PCYT1B: variants seen among roughly 807,000 people sequenced by gnomAD.
PCYT1B encodes the protein phosphate cytidylyltransferase 1B, choline.
Under a neutral mutation model 26.4 loss-of-function variants are expected in PCYT1B, and 10 were observed. That is an observed-to-expected ratio of 0.38 (90% CI 0.23 to 0.64). PCYT1B has a LOEUF of 0.64. PCYT1B is among the 30% of genes least tolerant of loss of function. PCYT1B has a pLI of 0.56. For missense variants in PCYT1B, 161 were observed against 292.7 expected (o/e 0.55, Z 3.28); for synonymous variants, 131 against 108.4 (o/e 1.21, Z -1.29).
At chrX:24,619,265 T>A in intron 1 of PCYT1B, 181 bp from the exon 2 acceptor site, 1 of 424,184 alleles carries the variant, frequency 2.4e-6, no homozygotes, top group Non-Finnish European at 4.2e-6. Flanking sequence ...CTGAAACCTT[T>A]TGGTTTGTTT....
chrX:24,633,267 A>G (rs1240859050), intron 1 of PCYT1B, among the ~76,000 whole-genome samples: 1 of 109,505 alleles, frequency 9.1e-6, no homozygotes, highest in African/African-American at 3.3e-5. Flanking sequence ...TTCTCAATAC[A>G]TAGAAATGAT....
chrX:24,578,658 G>T (rs912585429), intron 6 of PCYT1B, among the ~76,000 whole-genome samples: 1 of 111,769 alleles, frequency 8.9e-6, no homozygotes, highest in African/African-American at 3.3e-5. Flanking sequence ...TTAATCAAAT[G>T]AAAATTTTAA....
In PCYT1B at chrX:24,647,223, C is replaced by T. The variant is rs1926658063; in HGVS notation, c.-118G>A. On this transcript the variant is annotated 5_prime_UTR_variant, in exon 1 of 8. Coordinates refer to ENST00000379144, the MANE Select transcript of PCYT1B (RefSeq NM_004845.5). Reference sequence around the variant, plus strand: ...CCCTCCACCCATCCCCCCGCTTCTTCTCCCCTTCTTTCTGTCTTCCCTAGG... The same window carrying T: ...CCCTCCACCCATCCCCCCGCTTCTTTTCCCCTTCTTTCTGTCTTCCCTAGG... 1 of 845,947 alleles carries T rather than the reference C, an allele frequency of 1.2e-6. No individual in the cohort carries two copies. Among genetic ancestry groups the T allele is most frequent in the Non-Finnish European group, 1.6e-6 (1 of 626,578 alleles). The allele number at this position is 845,947 out of a possible 1,213,427, so 69.7% of individuals were successfully genotyped here.
intron 3 of PCYT1B, among the ~76,000 whole-genome samples, chrX:24,595,604 G>A (rs1056205074): frequency 9.0e-6 from 1 of 111,570 alleles, no homozygotes; most frequent in Admixed American, 9.6e-5. Flanking sequence ...ACTAGGCCAG[G>A]CGCAGTGGCT....
At chrX:24,606,489 T>A (rs1925138968) in intron 3 of PCYT1B, among the ~76,000 whole-genome samples, 1 of 112,539 alleles carries the variant, frequency 8.9e-6, no homozygotes, top group Non-Finnish European at 1.9e-5. Flanking sequence ...CATTTCCTCC[T>A]TCTGGAAAGA....
chrX:24,651,198 C>T (rs1926755401), upstream of PCYT1B, among the ~76,000 whole-genome samples: 1 of 109,474 alleles, frequency 9.1e-6, no homozygotes, highest in Non-Finnish European at 1.9e-5. Context: ...TGGCTCACGC[C>T]TGTAATCCCA....
chrX:24,661,295 T>TC (rs1927024671), intron 1 of PCYT1B, among the ~76,000 whole-genome samples: 1 of 112,096 alleles, frequency 8.9e-6, no homozygotes, highest in African/African-American at 3.2e-5. Context: ...ATTTAACCTT[T>TC]CCTATACAAA....
chrX:24,637,511 T>TATATATATATATATATATAA (rs1926330003), intron 1 of PCYT1B, among the ~76,000 whole-genome samples: 1 of 82,472 alleles, frequency 1.2e-5, no homozygotes, highest in African/African-American at 5.8e-5. Context: ...TATATATATA[T>TATATATATATATATATATAA]AAATTAGCTG....
chrX:24,642,319 G>C (rs1926490839), intron 1 of PCYT1B, among the ~76,000 whole-genome samples: 1 of 112,360 alleles, frequency 8.9e-6, no homozygotes, highest in Non-Finnish European at 1.9e-5. Flanking sequence ...GGATTGGTAA[G>C]AGACTCAGTT....
intron 1 of PCYT1B, among the ~76,000 whole-genome samples, chrX:24,644,834 C>T (rs1017435216): frequency 6.3e-5 from 7 of 111,725 alleles, no homozygotes; most frequent in African/African-American, 2.0e-4. Context: ...CCAAGGTGGG[C>T]GGATCACCTG....
At chrX:24,592,318 T>A (rs1035296463) in intron 3 of PCYT1B, among the ~76,000 whole-genome samples, 10 of 111,793 alleles carry the variant, frequency 8.9e-5, no homozygotes, top group Non-Finnish European at 1.9e-4. Context: ...TTCTTGGAAC[T>A]GAATGATGAC....
At chrX:24,578,285 C>T (rs1215605123) in intron 6 of PCYT1B, among the ~76,000 whole-genome samples, 1 of 106,251 alleles carries the variant, frequency 9.4e-6, no homozygotes, top group Non-Finnish European at 1.9e-5. Flanking sequence ...GGGAGCTGAA[C>T]AATGAGAACA....
intron 1 of PCYT1B, among the ~76,000 whole-genome samples, chrX:24,665,192 T>C (rs1210220731): frequency 8.9e-6 from 1 of 111,876 alleles, no homozygotes; most frequent in Non-Finnish European, 1.9e-5. Context: ...AATCAAAGGT[T>C]TGGCAAATTA....
chrX:24,649,122 T>C (rs1185515596), upstream of PCYT1B, among the ~76,000 whole-genome samples: 2 of 111,120 alleles, frequency 1.8e-5, no homozygotes, highest in African/African-American at 6.6e-5. Flanking sequence ...TGATGCTTCC[T>C]ACCCTATTTG....
upstream of PCYT1B, among the ~76,000 whole-genome samples, chrX:24,650,757 G>C (rs1926747129): frequency 8.9e-6 from 1 of 112,150 alleles, no homozygotes. Flanking sequence ...CTTTGACCTA[G>C]GGATTCCACT....
At position 24,647,270 on chromosome X, in the gene PCYT1B, C is replaced by CT; in HGVS notation, c.-166_-165insA. On this transcript the variant is annotated 5_prime_UTR_variant, in exon 1 of 8. Coordinates refer to ENST00000379144, the MANE Select transcript of PCYT1B (RefSeq NM_004845.5). Reference sequence around the variant, plus strand: ...TAGGGGAAGTAAAGAGGTTACCCCCCGCCCCTCTCTCTCTCTCTCTCTCCC... The same window carrying CT: ...TAGGGGAAGTAAAGAGGTTACCCCCCTGCCCCTCTCTCTCTCTCTCTCTCCC... 3 of 1,038,849 alleles carry CT rather than the reference C, an allele frequency of 2.9e-6. No individual in the cohort carries two copies. The highest frequency in any genetic ancestry group is 3.7e-6 in the Non-Finnish European group (3 of 814,785). The allele number at this position is 1,038,849 out of a possible 1,213,427, so 85.6% of individuals were successfully genotyped here. A position where few individuals can be genotyped will look rare whatever the true frequency, so the allele number is the denominator to read the frequency against.
At chrX:24,569,362 C>T (rs770791961) in intron 7 of PCYT1B, among the ~76,000 whole-genome samples, 9 of 110,423 alleles carry the variant, frequency 8.2e-5, no homozygotes, top group Non-Finnish European at 1.3e-4. Context: ...TAAAACTGTG[C>T]GGCCACTATG....
In PCYT1B at chrX:24,561,749, G is replaced by A. The variant is rs1222087280; in HGVS notation, c.*544C>T. 1.9e-5 allele frequency: 5 copies of A among 264,207 alleles called. No individual in the cohort carries two copies. The East Asian group carries it at 2.8e-4, about 15-fold the overall frequency. 21.8% of individuals were successfully genotyped at this position (264,207 alleles called of 1,213,427 possible). A position where few individuals can be genotyped will look rare whatever the true frequency, so the allele number is the denominator to read the frequency against. ...AGCCACATTCATGGAACTGGAAGGA[G>A]CTGATGCGTTCCAACATCAGGTCTC... On this transcript the variant is annotated 3_prime_UTR_variant, in exon 8 of 8. Transcript: ENST00000379144.
intron 5 of PCYT1B, among the ~76,000 whole-genome samples, chrX:24,584,030 A>G (rs1924288637): frequency 8.9e-6 from 1 of 112,343 alleles, no homozygotes; most frequent in African/African-American, 3.2e-5. Context: ...AGATCTTACA[A>G]TGACTTTAAA....
Sources: gnomAD v4.1 joint callset for allele counts (sites outside exome capture counted in the v4.1 genomes callset) on GRCh38, gnomAD v4.1.1 for gene constraint, MANE v1.5 for transcripts, NCBI Gene and HGNC (gene_info 2026-07-23, HGNC 2026-07-21) for gene names.